The following WDFY3 variants were observed in gnomAD, a reference collection of about 807,000 sequenced individuals.
WDFY3 encodes WD repeat and FYVE domain containing 3.
In WDFY3, 66 loss-of-function variants were observed where a neutral mutation model predicts 409.6. That is an observed-to-expected ratio of 0.16 (90% confidence interval 0.13 to 0.20). WDFY3 has a LOEUF of 0.20. WDFY3 is among the 10% of genes least tolerant of loss of function. The pLI is 1.00. For missense variants in WDFY3, 3,031 were observed against 4,298.1 expected, an observed-to-expected ratio of 0.71 and a Z score of 8.24; for synonymous variants, 1,521 against 1,537.1, an observed-to-expected ratio of 0.99 and a Z score of 0.25.
At chr4:84,816,751 A>G (rs1753359243) in intron 13 of WDFY3, among the ~76,000 whole-genome samples, 1 of 152,124 alleles carries the variant, frequency 6.6e-6, no homozygotes, top group Non-Finnish European at 1.5e-5. Context: ...ATATGGGAGA[A>G]TGTGAGTGTA....
At chr4:84,685,596 G>C (rs879679972) in intron 62 of WDFY3, among the ~76,000 whole-genome samples, 2 of 152,144 alleles carry the variant, frequency 1.3e-5, no homozygotes, top group Non-Finnish European at 2.9e-5. Context: ...GCCTTAATTA[G>C]AGTTTATTAG....
Position 84,690,521 on chromosome 4 carries a change from G to A in WDFY3, c.9348C>T (p.Thr3116=), listed in dbSNP as rs139515171. ...TCTCTCTTACCTGTTTGAGGGTGAC[G>A]GTCTTGGCCTTTTCTTTGGAGGTGC... ...EMGTSKEKAK[T]VTLKQALLGH... The change falls in exon 61 of 68, where the codon ACC becomes ACT. Residue 3116 remains threonine (T), a synonymous_variant. Transcript: ENST00000295888. 11 of 1,614,036 alleles carry A rather than the reference G, an allele frequency of 6.8e-6. No individual in the cohort carries two copies. The highest frequency in any genetic ancestry group is 5.5e-5 in the South Asian group (5 of 91,068).
At chr4:84,818,230 C>G (rs1753591454) in intron 12 of WDFY3, among the ~76,000 whole-genome samples, 1 of 152,092 alleles carries the variant, frequency 6.6e-6, no homozygotes, top group Non-Finnish European at 1.5e-5. Context: ...CATAGCCCAG[C>G]TCTGTAAGCC....
At chr4:84,873,260 G>A (rs1762363560) in intron 3 of WDFY3, among the ~76,000 whole-genome samples, 1 of 152,038 alleles carries the variant, frequency 6.6e-6, no homozygotes, top group South Asian at 2.1e-4. Flanking sequence ...CATTCACCAA[G>A]ACAGACCACA....
chr4:84,796,769 T>A lies in WDFY3; in HGVS notation c.2936-17A>T. 3.1e-6 allele frequency: 5 copies of A among 1,589,052 alleles called. No individual in the cohort carries two copies. The South Asian group carries it at 5.6e-5, about 18-fold the overall frequency. On this transcript the variant is annotated splice_polypyrimidine_tract_variant and intron_variant, in intron 18 of 67. Coordinates refer to ENST00000295888, the MANE Select transcript of WDFY3 (RefSeq NM_014991.6). ...TCATACTACCTGTAAGTCAAGGAAA[T>A]CTCTTGGGAAAATGTCATATGGAAT...
At chr4:84,950,179 A>C (rs1406439230) in intron 1 of WDFY3, among the ~76,000 whole-genome samples, 2 of 152,110 alleles carry the variant, frequency 1.3e-5, no homozygotes, top group South Asian at 4.1e-4. Flanking sequence ...GTTCTCATTC[A>C]TAAGTGGGAG....
chr4:84,910,196 G>A (rs896820683), intron 2 of WDFY3, among the ~76,000 whole-genome samples: 22 of 151,960 alleles, frequency 1.4e-4, no homozygotes, highest in African/African-American at 5.1e-4. Flanking sequence ...ATCTAAAGAC[G>A]ATTTACAGTA....
intron 60 of WDFY3, among the ~76,000 whole-genome samples, chr4:84,691,366 A>C (rs1729237091): frequency 6.6e-6 from 1 of 152,208 alleles, no homozygotes; most frequent in Non-Finnish European, 1.5e-5. Context: ...TCTTTGAGTG[A>C]GAAGGAAACT....
At chr4:84,763,311 A>G (rs995337877) in intron 32 of WDFY3, among the ~76,000 whole-genome samples, 1 of 152,036 alleles carries the variant, frequency 6.6e-6, no homozygotes, top group African/African-American at 2.4e-5. Context: ...GTTCTCACTC[A>G]TAAGTGGGAG....
chr4:84,915,401 T>A (rs1348911780), intron 2 of WDFY3, among the ~76,000 whole-genome samples: 1 of 152,230 alleles, frequency 6.6e-6, no homozygotes, highest in Non-Finnish European at 1.5e-5. Flanking sequence ...GAATTTAATT[T>A]GATCTAAAGT....
At chr4:84,681,495 G>C (rs1439169062) in intron 64 of WDFY3, among the ~76,000 whole-genome samples, 1 of 152,154 alleles carries the variant, frequency 6.6e-6, no homozygotes, top group African/African-American at 2.4e-5. Context: ...AAAATGTCCT[G>C]CCCAAGGGAT....
chr4:84,722,131 T>C (rs1360021815), intron 46 of WDFY3, among the ~76,000 whole-genome samples: 2 of 152,158 alleles, frequency 1.3e-5, no homozygotes, highest in Non-Finnish European at 2.9e-5. Flanking sequence ...CTCACACCTA[T>C]AATCCCAGCA....
chr4:84,897,451 T>G (rs1765793234), intron 2 of WDFY3, among the ~76,000 whole-genome samples: 1 of 152,150 alleles, frequency 6.6e-6, no homozygotes, highest in Admixed American at 6.6e-5. Flanking sequence ...GGCCTGATCT[T>G]GGCTTACTGC....
intron 1 of WDFY3, among the ~76,000 whole-genome samples, chr4:84,947,848 T>C (rs190285756): frequency 1.8e-4 from 28 of 152,090 alleles, no homozygotes; most frequent in African/African-American, 6.3e-4. Flanking sequence ...ATCATGCCAC[T>C]GTACTCCAGC....
chr4:84,781,357 G>A (rs1474862096), intron 25 of WDFY3, among the ~76,000 whole-genome samples: 1 of 149,584 alleles, frequency 6.7e-6, no homozygotes, highest in Non-Finnish European at 1.5e-5. Flanking sequence ...GTGCTCTGCA[G>A]TATTCACAAT....
intron 50 of WDFY3, among the ~76,000 whole-genome samples, chr4:84,714,658 T>C (rs555778944): frequency 6.6e-6 from 1 of 152,244 alleles, no homozygotes; most frequent in Admixed American, 6.5e-5. Flanking sequence ...ACTAAAGTTT[T>C]ATTTTTGGCC....
At chr4:84,687,733 G>A (rs1004347152) in intron 62 of WDFY3, 1 of 167,056 alleles carries the variant, frequency 6.0e-6, no homozygotes, top group Non-Finnish European at 1.3e-5. Context: ...TTAAGAGACA[G>A]TGTTTTGCTG....
intron 67 of WDFY3, among the ~76,000 whole-genome samples, chr4:84,674,849 CAGAGTG>C (rs1255871232): frequency 6.6e-6 from 1 of 151,516 alleles, no homozygotes; most frequent in Non-Finnish European, 1.5e-5. Context: ...GCCTGGGTGA[CAGAGTG>C]AGACTCCGTC....
intron 1 of WDFY3, among the ~76,000 whole-genome samples, chr4:84,937,522 T>A (rs1211182851): frequency 6.6e-6 from 1 of 152,170 alleles, no homozygotes; most frequent in African/African-American, 2.4e-5. Context: ...GTATTGTCCC[T>A]CACTTGGATT....
Sources: gnomAD v4.1 joint callset for allele counts (sites outside exome capture counted in the v4.1 genomes callset) on GRCh38, gnomAD v4.1.1 for gene constraint, MANE v1.5 for transcripts, NCBI Gene and HGNC (gene_info 2026-07-23, HGNC 2026-07-21) for gene names.